PDIA5: variants seen among roughly 807,000 people sequenced by gnomAD.
PDIA5 encodes the protein protein disulfide-isomerase A5.
Under a neutral mutation model 77.6 loss-of-function variants are expected in PDIA5, and 58 were observed. That is an observed-to-expected ratio of 0.75 (90% CI 0.61 to 0.93). PDIA5 has a LOEUF of 0.93. Among genes scored for constraint, PDIA5 ranks in the 40% least tolerant of loss-of-function variants. PDIA5 has a pLI of 0.00. For missense variants in PDIA5, 630 were observed against 647.7 expected, an observed-to-expected ratio of 0.97 and a Z score of 0.30; for synonymous variants, 250 against 252.1, an observed-to-expected ratio of 0.99 and a Z score of 0.08.
intron 10 of PDIA5, among the ~76,000 whole-genome samples, chr3:123,129,224 A>G (rs1347063498): frequency 6.6e-6 from 1 of 152,228 alleles, no homozygotes; most frequent in East Asian, 1.9e-4. Flanking sequence ...GTCTAGGACC[A>G]TTGTCTGGCT....
At position 123,089,234 on chromosome 3, in the gene PDIA5, A is replaced by G; in HGVS notation, c.109A>G (p.Lys37Glu). ...GCTCATTGAGAGAATCTCTGACCCC[A>G]AGGACTTGAAAAAACTGCTCAGAAC... is the stretch of plus-strand genomic sequence containing the variant. Reference protein sequence around the residue: ...SSLIERISDPKDLKKLLRTRN... With the variant: ...SSLIERISDPEDLKKLLRTRN... Residue 37 changes from lysine (K) to glutamate (E), a missense_variant, in exon 2 of 17, where the codon AAG becomes GAG. Physicochemically the swap from Lys to Glu is moderately conservative, Grantham distance 56 (BLOSUM62 1). Transcript: ENST00000316218. The G allele has an allele frequency of 1.9e-6, 3 of 1,613,972 alleles. No homozygotes were observed. The highest frequency in any genetic ancestry group is 2.5e-6 in the Non-Finnish European group (3 of 1,179,802).
intron 1 of PDIA5, among the ~76,000 whole-genome samples, chr3:123,069,646 G>A (rs1424949436): frequency 6.6e-6 from 1 of 152,150 alleles, no homozygotes; most frequent in Non-Finnish European, 1.5e-5. Context: ...AGACTAGACA[G>A]TTCTCTTGGG....
chr3:123,153,316 C>G (rs1935954315), intron 14 of PDIA5, among the ~76,000 whole-genome samples: 1 of 152,222 alleles, frequency 6.6e-6, no homozygotes, highest in Non-Finnish European at 1.5e-5. Context: ...GCATAGGCCA[C>G]ACACAAGGGG....
intron 11 of PDIA5, among the ~76,000 whole-genome samples, chr3:123,131,165 G>A (rs945250979): frequency 6.6e-6 from 1 of 152,154 alleles, no homozygotes; most frequent in Admixed American, 6.5e-5. Context: ...AGCTACTCAG[G>A]AGGCTGAGGT....
chr3:123,121,699 C>G (rs149780709), intron 8 of PDIA5, among the ~76,000 whole-genome samples: 169 of 152,268 alleles, frequency 1.1e-3, no homozygotes, highest in African/African-American at 3.9e-3. Context: ...CAAGTGGGGG[C>G]CAGGAGAGAA....
intron 11 of PDIA5, among the ~76,000 whole-genome samples, chr3:123,140,252 G>A (rs1272499751): frequency 6.6e-6 from 1 of 152,142 alleles, no homozygotes; most frequent in Non-Finnish European, 1.5e-5. Context: ...CCTGAGTTGA[G>A]GTTGAAGGTA....
At chr3:123,079,208 TCTCA>T (rs1212971205) in intron 1 of PDIA5, among the ~76,000 whole-genome samples, 8 of 134,106 alleles carry the variant, frequency 6.0e-5, no homozygotes, top group African/African-American at 2.3e-4. Context: ...TGAGATGGAG[TCTCA>T]CTCTGTCGCT....
At chr3:123,123,678 G>A (rs996379807) in intron 8 of PDIA5, among the ~76,000 whole-genome samples, 5 of 152,210 alleles carry the variant, frequency 3.3e-5, no homozygotes, top group African/African-American at 4.8e-5. Flanking sequence ...AGTACAACCC[G>A]AGTTGACATG....
At chr3:123,085,124 C>T (rs1934103274) in intron 1 of PDIA5, among the ~76,000 whole-genome samples, 1 of 152,184 alleles carries the variant, frequency 6.6e-6, no homozygotes, top group South Asian at 2.1e-4. Flanking sequence ...TGTGGACTCA[C>T]CCCATCACAT....
chr3:123,161,711 C>A (rs140143798), intron 16 of PDIA5, 169 bp from the exon 17 acceptor site: 1 of 667,334 alleles, frequency 1.5e-6, no homozygotes, highest in Non-Finnish European at 2.6e-6. Flanking sequence ...ACTTGCTGGT[C>A]GGGGCTGGTG....
chr3:123,131,126 C>T (rs1425540974), intron 11 of PDIA5, among the ~76,000 whole-genome samples: 2 of 152,170 alleles, frequency 1.3e-5, no homozygotes, highest in East Asian at 1.9e-4. Context: ...TAAAAATTAG[C>T]TGGGCATGTG....
chr3:123,135,229 G>A (rs1935470612), intron 11 of PDIA5, among the ~76,000 whole-genome samples: 1 of 152,190 alleles, frequency 6.6e-6, no homozygotes, highest in Non-Finnish European at 1.5e-5. Flanking sequence ...AGCAGGGGAA[G>A]GACAAGCTGC....
chr3:123,067,088 G>C lies in PDIA5; in HGVS notation c.-77G>C. 1 of 1,172,954 alleles carries C rather than the reference G, an allele frequency of 8.5e-7. No individual in the cohort carries two copies. The highest frequency in any genetic ancestry group is 1.1e-6 in the Non-Finnish European group (1 of 931,802). The allele number at this position is 1,172,954 out of a possible 1,614,324, so 72.7% of individuals were successfully genotyped here. On this transcript the variant is annotated 5_prime_UTR_variant, in exon 1 of 17. Transcript: ENST00000316218. ...GGAAGTGGCCGTGGTGGTTGGCCGC[G>C]GTGGAGCTAGCAGGCGGGCGGGCGG...
chr3:123,106,646 G>A, intron 5 of PDIA5, 103 bp from the exon 6 acceptor site: 2 of 775,372 alleles, frequency 2.6e-6, no homozygotes, highest in Non-Finnish European at 4.4e-6. Flanking sequence ...AGCAGCTGGT[G>A]TGCCCAGGTC....
chr3:123,082,904 G>C (rs1009179798), intron 1 of PDIA5, among the ~76,000 whole-genome samples: 2 of 152,116 alleles, frequency 1.3e-5, no homozygotes, highest in Admixed American at 1.3e-4. Flanking sequence ...ATTTCCCCCA[G>C]GTCTGTCTGA....
intron 1 of PDIA5, among the ~76,000 whole-genome samples, chr3:123,072,910 T>TTGTGTGTGTGTGTGTGTG (rs1933760068): frequency 2.8e-5 from 2 of 72,208 alleles, no homozygotes; most frequent in African/African-American, 1.3e-4. Context: ...CTACCTCTCC[T>TTGTGTGTGTGTGTGTGTG]TCTGTGTGTG....
chr3:123,105,789 G>C lies in PDIA5; in HGVS notation c.388-960G>C, dbSNP rs1417909080. On this transcript the variant is annotated intron_variant, in intron 5 of 16. Transcript: ENST00000316218. ...TACACTCTCAGTTCAGCATCTGCTC[G>C]CTGGAGCGTGGTCAAAGTTGACAGA... Among the ~76,000 whole-genome samples, 3 of 151,886 alleles carry C rather than the reference G, an allele frequency of 2.0e-5. No homozygotes were observed. The East Asian group carries it at 5.8e-4, about 29-fold the overall frequency.
chr3:123,161,330 G>A lies in PDIA5; in HGVS notation c.1354G>A (p.Ala452Thr), dbSNP rs564953979. 1.2e-6 allele frequency: 2 copies of A among 1,613,974 alleles called. No homozygotes were observed. The highest frequency in any genetic ancestry group is 1.1e-5 in the South Asian group (1 of 91,064). The change falls in exon 16 of 17, where the codon GCC (alanine) becomes ACC (threonine). Residue 452 changes from alanine (A) to threonine (T), a missense_variant. By Grantham distance (58) the Ala-to-Thr change is moderately conservative. Coordinates refer to ENST00000316218, the MANE Select transcript of PDIA5 (RefSeq NM_006810.4). ...AFKDDRKIAC[A>T]AVDCVKDKNQ... The stretch of plus-strand genomic sequence containing the variant: ...TTACCTTGGCTCCTAGATTGCCTGT[G>A]CCGCTGTTGACTGTGTCAAAGACAA...
chr3:123,110,870 G>A, intron 6 of PDIA5, 74 bp from the exon 7 acceptor site: 1 of 1,175,050 alleles, frequency 8.5e-7, no homozygotes, highest in Non-Finnish European at 1.3e-6. Context: ...CTGTATGCAG[G>A]AGGGGCGGGG....
Sources: allele counts gnomAD v4.1 joint callset (sites outside exome capture counted in the v4.1 genomes callset), GRCh38; gene constraint gnomAD v4.1.1; transcripts MANE v1.5; gene names NCBI Gene and HGNC (gene_info 2026-07-23, HGNC 2026-07-21).